The following FBLN5 variants were observed in gnomAD, a reference collection of about 807,000 sequenced individuals.
FBLN5 encodes fibulin-5.
A neutral mutation model predicts 61.6 loss-of-function variants in FBLN5; 24 were observed. The observed-to-expected ratio is 0.39, with a 90% CI of 0.28 to 0.55. The LOEUF (loss-of-function observed/expected upper bound fraction) is 0.55. Among genes scored for constraint, FBLN5 ranks in the 20% least tolerant of loss-of-function variants. The pLI, the probability that FBLN5 is intolerant of heterozygous loss-of-function variation, is 0.65. For missense variants in FBLN5, 470 were observed against 594.1 expected (o/e 0.79, Z 2.17); for synonymous variants, 213 against 219.8 (o/e 0.97, Z 0.27).
intron 10 of FBLN5, among the ~76,000 whole-genome samples, chr14:91,873,230 G>A (rs1162424004): frequency 6.6e-6 from 1 of 152,222 alleles, no homozygotes; most frequent in Non-Finnish European, 1.5e-5. Context: ...GAGCCCGTGG[G>A]CATTAGTAGG....
chr14:91,913,175 T>C (rs1245303972), intron 4 of FBLN5, among the ~76,000 whole-genome samples: 1 of 152,324 alleles, frequency 6.6e-6, no homozygotes, highest in Middle Eastern at 3.4e-3. Context: ...GAGGTGGAGA[T>C]GGTTCGTGTA....
intron 7 of FBLN5, 34 bp from the exon 8 acceptor site, chr14:91,883,110 C>G: frequency 6.2e-7 from 1 of 1,612,120 alleles, no homozygotes; most frequent in Non-Finnish European, 8.5e-7. Flanking sequence ...TGTTTGTAAT[C>G]CCAGTCTACA....
rs936143813 is a variant in FBLN5 at position 91,926,880 on chromosome 14, T to C, written c.379+10067A>G. ...CCTGCCTTCACTAAGCCTCAAAACATTCCCGGAAGATAAGCATCATTGTCC... is the reference window on the plus strand; with the variant it reads ...CCTGCCTTCACTAAGCCTCAAAACACTCCCGGAAGATAAGCATCATTGTCC... On this transcript the variant is annotated intron_variant, in intron 4 of 10. Transcript: ENST00000342058. Among the ~76,000 whole-genome samples, 70 of 152,188 alleles carry C rather than the reference T, an allele frequency of 4.6e-4. 1 individual carries two copies. Among genetic ancestry groups the C allele is most frequent in the African/African-American group, 1.7e-3 (69 of 41,520 alleles).
chr14:91,889,172 G>A (rs1041015717), intron 6 of FBLN5, among the ~76,000 whole-genome samples: 9 of 152,208 alleles, frequency 5.9e-5, no homozygotes, highest in East Asian at 5.8e-4. Flanking sequence ...TTTCCCCACC[G>A]GGGACAGGAG....
chr14:91,942,970 G>A lies in FBLN5; in HGVS notation c.18-9C>T. Reference sequence around the variant, plus strand: ...TGGTAACAGTGAGTATCCTGTGGAGGTGAAAAGTCAAATATAAATGCCCAA... The same window carrying A: ...TGGTAACAGTGAGTATCCTGTGGAGATGAAAAGTCAAATATAAATGCCCAA... On this transcript the variant is annotated splice_polypyrimidine_tract_variant and intron_variant, in intron 1 of 10. Transcript: ENST00000342058. 6.5e-7 allele frequency: 1 copy of A among 1,547,868 alleles called. No individual in the cohort carries two copies. Among genetic ancestry groups the A allele is most frequent in the Non-Finnish European group, 8.8e-7 (1 of 1,140,818 alleles).
chr14:91,883,638 C>A (rs1889579826), intron 7 of FBLN5, among the ~76,000 whole-genome samples: 3 of 35,912 alleles, frequency 8.4e-5, no homozygotes, highest in South Asian at 9.1e-4. Flanking sequence ...ATTAAAACTT[C>A]ACTGTGTAAA....
At chr14:91,878,023 G>C (rs1889252915) in intron 9 of FBLN5, 1 of 450,216 alleles carries the variant, frequency 2.2e-6, no homozygotes, top group Admixed American at 2.9e-5. Context: ...GGGCGGCAGA[G>C]CAAGACCCTG....
At chr14:91,946,260 A>G (rs1444982987) in intron 1 of FBLN5, among the ~76,000 whole-genome samples, 2 of 149,080 alleles carry the variant, frequency 1.3e-5, no homozygotes, top group Admixed American at 6.7e-5. Flanking sequence ...TCACAGCATC[A>G]CGAATAGCTG....
chr14:91,923,259 G>T lies in FBLN5; in HGVS notation c.379+13688C>A, dbSNP rs534135949. ...AGGCTAAGCAGAAATCTCCAAATAGGCTTGTAAACATTTCACTCCCCTGCT... is the reference window on the plus strand; with the variant it reads ...AGGCTAAGCAGAAATCTCCAAATAGTCTTGTAAACATTTCACTCCCCTGCT... On this transcript the variant is annotated intron_variant, in intron 4 of 10. Coordinates refer to ENST00000342058, the MANE Select transcript of FBLN5 (RefSeq NM_006329.4). Among the ~76,000 whole-genome samples the T allele has an allele frequency of 5.9e-5, 9 of 152,250 alleles. No individual in the cohort carries two copies. In the South Asian group the frequency reaches 1.9e-3, roughly 32 times the overall value.
chr14:91,871,354 AC>A (rs1384883790), intron 10 of FBLN5, among the ~76,000 whole-genome samples: 2 of 151,238 alleles, frequency 1.3e-5, no homozygotes, highest in African/African-American at 4.9e-5. Context: ...GAATTTAAGA[AC>A]CCCCCTCTAG....
chr14:91,910,879 C>T (rs1005251009), intron 4 of FBLN5, among the ~76,000 whole-genome samples: 17 of 152,188 alleles, frequency 1.1e-4, no homozygotes, highest in African/African-American at 4.1e-4. Context: ...ACGTGGGCAT[C>T]TTGAGCCTCT....
intron 4 of FBLN5, among the ~76,000 whole-genome samples, chr14:91,910,696 A>G (rs1489099672): frequency 1.3e-5 from 2 of 152,104 alleles, no homozygotes; most frequent in African/African-American, 2.4e-5. Context: ...ACTTAACTCC[A>G]CCCCAACAGC....
At chr14:91,883,332 C>G (rs554021133) in intron 7 of FBLN5, among the ~76,000 whole-genome samples, 2 of 152,110 alleles carry the variant, frequency 1.3e-5, no homozygotes, top group Non-Finnish European at 2.9e-5. Context: ...CTCCATCGAG[C>G]TTTCAACATC....
chr14:91,901,300 T>A (rs926111892), intron 4 of FBLN5, among the ~76,000 whole-genome samples: 3 of 152,162 alleles, frequency 2.0e-5, no homozygotes, highest in African/African-American at 7.2e-5. Flanking sequence ...AGAACGGCCA[T>A]CAGCCAAAGG....
chr14:91,883,559 C>G (rs769473615), intron 7 of FBLN5, among the ~76,000 whole-genome samples: 1 of 143,966 alleles, frequency 6.9e-6, no homozygotes, highest in African/African-American at 2.5e-5. Flanking sequence ...CTTTCCCCAA[C>G]TTCAGGAACA....
intron 3 of FBLN5, among the ~76,000 whole-genome samples, chr14:91,938,012 G>A (rs2056047475): frequency 2.6e-5 from 4 of 152,318 alleles, no homozygotes; most frequent in Admixed American, 2.6e-4. Flanking sequence ...AAAATAAAGA[G>A]TGTTTATCTG....
At chr14:91,942,880 G>T in intron 2 of FBLN5, 27 bp downstream of exon 2, 9 of 1,438,288 alleles carry the variant, frequency 6.3e-6, no homozygotes, top group Non-Finnish European at 6.7e-6. Flanking sequence ...TACGCTTGTA[G>T]ATATTTTTTA....
chr14:91,897,851 C>A (rs1029640424), intron 4 of FBLN5, among the ~76,000 whole-genome samples: 1 of 152,142 alleles, frequency 6.6e-6, no homozygotes, highest in African/African-American at 2.4e-5. Flanking sequence ...GAGTTTGAGA[C>A]CAGCCTGGGC....
At chr14:91,916,754 CTT>C (rs1413825280) in intron 4 of FBLN5, among the ~76,000 whole-genome samples, 1 of 152,146 alleles carries the variant, frequency 6.6e-6, no homozygotes. Flanking sequence ...TCAGAACAAA[CTT>C]TGGGTCCTTC....
Sources: gnomAD v4.1 joint callset for allele counts (sites outside exome capture counted in the v4.1 genomes callset) on GRCh38, gnomAD v4.1.1 for gene constraint, MANE v1.5 for transcripts, NCBI Gene and HGNC (gene_info 2026-07-23, HGNC 2026-07-21) for gene names.